PNN: variants seen among roughly 807,000 people sequenced by gnomAD.
PNN encodes pinin.
In PNN, 38 loss-of-function variants were observed where a neutral mutation model predicts 76.6. The ratio of observed to expected loss-of-function variants is 0.50; its 90% CI spans 0.38 to 0.65. The LOEUF (loss-of-function observed/expected upper bound fraction) is 0.65, where lower values mean the gene tolerates loss of function less well. Among genes scored for constraint, PNN ranks in the 30% least tolerant of loss-of-function variants. The probability of loss-of-function intolerance (pLI) is 0.00; values close to 1 mark genes in which losing one functional copy is unlikely to be tolerated. For synonymous variants in PNN, 366 were observed against 283.7 expected (o/e 1.29, Z -2.91); for missense variants, 873 against 874.1 (o/e 1.00, Z 0.02).
chr14:39,177,226 G>C (rs1318895524), intron 3 of PNN, among the ~76,000 whole-genome samples, 186 bp from the exon 4 acceptor site: 1 of 152,086 alleles, frequency 6.6e-6, no homozygotes, highest in Non-Finnish European at 1.5e-5. Flanking sequence ...CCTACAAAAA[G>C]TACAAAAAAG....
At position 39,181,519 on chromosome 14, in the gene PNN, C is replaced by T. The variant is rs745866410; in HGVS notation, c.1810C>T (p.Arg604Cys). ...TTCCAGCAGTGGAAGTAGTAGCAGT[C>T]GCAGTAGTTCCAGTAGCAGCTCCAG... ...SSSSSGSSSS[R>C]SSSSSSSSTS... The change falls in exon 9 of 9, where the codon CGC becomes TGC. Residue 604 changes from arginine (R) to cysteine (C), a missense_variant. Transcript: ENST00000216832. The T allele has an allele frequency of 3.6e-5, 58 of 1,600,100 alleles. No individual in the cohort carries two copies. The highest frequency in any genetic ancestry group is 1.1e-4 in the East Asian group (5 of 43,788).
Position 39,180,960 on chromosome 14 carries a change from A to G in PNN, c.1251A>G (p.Ser417=). The stretch of plus-strand genomic sequence containing the variant: ...ATCGAGTTGAAAGTGTAGAACCTTC[A>G]GAAAATGAAGCTAGCAAAGAATTGG... The part of the protein sequence containing the change: ...ETNRVESVEP[S]ENEASKELEP... Residue 417 remains serine (S), a synonymous_variant, in exon 9 of 9, where the codon TCA becomes TCG. Coordinates refer to ENST00000216832, the MANE Select transcript of PNN (RefSeq NM_002687.4). The G allele has an allele frequency of 1.2e-6, 2 of 1,613,956 alleles. No homozygotes were observed. Among genetic ancestry groups the G allele is most frequent in the Non-Finnish European group, 1.7e-6 (2 of 1,179,938 alleles).
chr14:39,177,997 A>C, intron 6 of PNN, 81 bp downstream of exon 6: 1 of 917,024 alleles, frequency 1.1e-6, no homozygotes, highest in Non-Finnish European at 1.8e-6. Context: ...AAAATCCTTA[A>C]AGCTCTTTTA....
chr14:39,179,523 C>T (rs1250711178), intron 8 of PNN, 61 bp downstream of exon 8: 2 of 1,332,054 alleles, frequency 1.5e-6, no homozygotes, highest in African/African-American at 3.0e-5. Context: ...TGTTCATATG[C>T]ACACGTTTGT....
chr14:39,176,162 T>C lies in PNN; in HGVS notation c.185+13T>C. ...GTTTATTACTGAGGTAAGATTTCCT[T>C]TGGACTTTACTCATGCTGAAACTAC... On this transcript the variant is annotated intron_variant, in intron 2 of 8. Coordinates refer to ENST00000216832, the MANE Select transcript of PNN (RefSeq NM_002687.4). 1 of 1,503,544 alleles carries C rather than the reference T, an allele frequency of 6.7e-7. No homozygotes were observed. Among genetic ancestry groups the C allele is most frequent in the Non-Finnish European group, 9.3e-7 (1 of 1,079,580 alleles). 93.1% of individuals were successfully genotyped at this position (1,503,544 alleles called of 1,614,324 possible).
chr14:39,177,970 A>G (rs574483083), intron 6 of PNN, 54 bp downstream of exon 6: 10 of 1,102,808 alleles, frequency 9.1e-6, no homozygotes, highest in Admixed American at 4.0e-5. Context: ...AAAGTAGTAG[A>G]TTAATGTTTT....
At position 39,181,792 on chromosome 14, in the gene PNN, A is replaced by G; in HGVS notation, c.2083A>G (p.Ser695Gly). The change falls in exon 9 of 9, where the codon AGT (serine) becomes GGT (glycine). Residue 695 changes from serine (S) to glycine (G), a missense_variant. Physicochemically the swap from Ser to Gly is moderately conservative, Grantham distance 56. This residue lies in a region of PNN where 712 missense variants were observed against 693.1 expected (regional missense o/e 1.03). Coordinates refer to ENST00000216832, the MANE Select transcript of PNN (RefSeq NM_002687.4). ...SDRKRSISES[S>G]RSGKRSSRSE... ...CAGAAAGAGGTCTATATCAGAGAGT[A>G]GTCGATCAGGCAAAAGATCTTCAAG... The G allele has an allele frequency of 6.2e-7, 1 of 1,613,480 alleles. No individual in the cohort carries two copies. Among genetic ancestry groups the G allele is most frequent in the Non-Finnish European group, 8.5e-7 (1 of 1,179,796 alleles).
intron 1 of PNN, 25 bp downstream of exon 1, chr14:39,175,417 A>C: frequency 7.0e-7 from 1 of 1,429,538 alleles, no homozygotes; most frequent in Non-Finnish European, 9.8e-7. Flanking sequence ...GGAACTCGGA[A>C]CTCGGAGCTC....
chr14:39,178,993 T>C, intron 6 of PNN, 98 bp from the exon 7 acceptor site: 1 of 1,096,838 alleles, frequency 9.1e-7, no homozygotes, highest in East Asian at 2.4e-5. Flanking sequence ...AATTAGTATG[T>C]GTAATAACTT....
chr14:39,178,932 T>C lies in PNN; in HGVS notation c.499-159T>C, dbSNP rs985123964. On this transcript the variant is annotated intron_variant, in intron 6 of 8. Transcript: ENST00000216832. ...TTTTTTGTGTTTTTAGTAGAGATGG[T>C]GGTGTTGGCTTCTGACTTCAGATGA... 5 of 622,652 alleles carry C rather than the reference T, an allele frequency of 8.0e-6. No individual in the cohort carries two copies. The African/African-American group carries it at 9.3e-5, about 12-fold the overall frequency. 38.6% of individuals were successfully genotyped at this position (622,652 alleles called of 1,614,324 possible).
At chr14:39,177,355 C>T in intron 3 of PNN, 57 bp from the exon 4 acceptor site, 1 of 1,437,518 alleles carries the variant, frequency 7.0e-7, no homozygotes, top group Non-Finnish European at 9.7e-7. Flanking sequence ...CACTGCACTT[C>T]AGCCTGGGTG....
chr14:39,177,385 CA>C, intron 3 of PNN, 26 bp from the exon 4 acceptor site: 3 of 1,590,908 alleles, frequency 1.9e-6, no homozygotes, highest in Non-Finnish European at 1.7e-6. Flanking sequence ...AACCCTGTCT[CA>C]AAAAAATTAA....
rs751015703 is a variant in PNN at position 39,181,105 on chromosome 14, TCTGAGCCCCAACCTGAGC to T, written c.1400_1417del (p.Glu467_Pro472del). 8 of 1,613,658 alleles carry T rather than the reference TCTGAGCCCCAACCTGAGC, an allele frequency of 5.0e-6. No homozygotes were observed. In the South Asian group the frequency reaches 8.8e-5, roughly 18 times the overall value. On this transcript the variant is annotated inframe_deletion, in exon 9 of 9. Coordinates refer to ENST00000216832, the MANE Select transcript of PNN (RefSeq NM_002687.4). Reference sequence around the variant, plus strand: ...GTCTGAGGAAAAAGAAGAAAAAGAATCTGAGCCCCAACCTGAGCCTGTGGCTCAACCTCAGCCTCAGTC... The same window carrying T: ...GTCTGAGGAAAAAGAAGAAAAAGAATCTGTGGCTCAACCTCAGCCTCAGTC...
At chr14:39,179,495 A>G (rs1288016627) in intron 8 of PNN, 33 bp downstream of exon 8, 13 of 1,578,718 alleles carry the variant, frequency 8.2e-6, no homozygotes, top group African/African-American at 5.5e-5. Context: ...TGAATTGTTC[A>G]TAGTGGGTAA....
Position 39,182,022 on chromosome 14 carries a change from A to G in PNN, c.*159A>G. On this transcript the variant is annotated 3_prime_UTR_variant, in exon 9 of 9. Coordinates refer to ENST00000216832, the MANE Select transcript of PNN (RefSeq NM_002687.4). The stretch of plus-strand genomic sequence containing the variant: ...CTGTTTGTTTACCAGACATTCTTGT[A>G]CTTTTTGCATAATTTTGTAAGAGTT... 1 of 630,932 alleles carries G rather than the reference A, an allele frequency of 1.6e-6. No individual in the cohort carries two copies. Among genetic ancestry groups the G allele is most frequent in the South Asian group, 3.0e-5 (1 of 33,024 alleles). 39.1% of individuals were successfully genotyped at this position (630,932 alleles called of 1,614,324 possible). A position where few individuals can be genotyped will look rare whatever the true frequency, so the allele number is the denominator to read the frequency against.
At chr14:39,175,454 A>G (rs1188967794) in intron 1 of PNN, 62 bp downstream of exon 1, 1 of 1,034,990 alleles carries the variant, frequency 9.7e-7, no homozygotes, top group African/African-American at 1.6e-5. Context: ...GGTCGGGGTG[A>G]ATTGGGGGCG....
chr14:39,181,609 C>T lies in PNN; in HGVS notation c.1900C>T (p.Arg634Trp), dbSNP rs2053270656. The change falls in exon 9 of 9, where the codon CGG becomes TGG. Residue 634 changes from arginine (R) to tryptophan (W), a missense_variant. Arg to Trp is a moderately radical substitution (Grantham distance 101, BLOSUM62 -3). This residue lies in a region of PNN where 712 missense variants were observed against 693.1 expected (regional missense o/e 1.03). Coordinates refer to ENST00000216832, the MANE Select transcript of PNN (RefSeq NM_002687.4). ...STSSSSESRS[R>W]SRGRGHNRDR... ...TAGTAGTAGTAGTGAGAGTAGAAGT[C>T]GGAGTAGGGGCCGGGGACATAATAG... The T allele has an allele frequency of 1.9e-6, 3 of 1,613,828 alleles. No individual in the cohort carries two copies. The highest frequency in any genetic ancestry group is 2.5e-6 in the Non-Finnish European group (3 of 1,179,958).
At position 39,179,154 on chromosome 14, in the gene PNN, G is replaced by A. The variant is rs866348874; in HGVS notation, c.562G>A (p.Val188Ile). 5.6e-6 allele frequency: 9 copies of A among 1,614,030 alleles called. No individual in the cohort carries two copies. Among genetic ancestry groups the A allele is most frequent in the Non-Finnish European group, 7.6e-6 (9 of 1,179,996 alleles). The change falls in exon 7 of 9, where the codon GTT (valine) becomes ATT (isoleucine). Residue 188 changes from valine to isoleucine, a missense_variant. Physicochemically the swap from Val to Ile is conservative, Grantham distance 29. This residue lies in a region of PNN where 712 missense variants were observed against 693.1 expected (regional missense o/e 1.03). Coordinates refer to ENST00000216832, the MANE Select transcript of PNN (RefSeq NM_002687.4). ...TCAGGCAGAAGAAGAGAGAAAGCAG[G>A]TTGAAAATGAAAGGAGAGAACTGTT... ...EVQAEEERKQ[V>I]ENERRELFEE...
In PNN at chr14:39,176,565, A is replaced by G; in HGVS notation, c.224A>G (p.Lys75Arg). Residue 75 changes from lysine (K) to arginine (R), a missense_variant, in exon 3 of 9, where the codon AAA (lysine) becomes AGA (arginine). Physicochemically the swap from Lys to Arg is conservative, Grantham distance 26. Transcript: ENST00000216832. The part of the protein sequence containing the change: ...FSDSGGGPPA[K>R]QRDLEGAVSR... ...GATAGTGGAGGAGGACCCCCAGCCA[A>G]ACAGAGAGACCTTGAAGGGGCAGTC... is the stretch of plus-strand genomic sequence containing the variant. The G allele has an allele frequency of 6.2e-7, 1 of 1,608,872 alleles. No individual in the cohort carries two copies. Among genetic ancestry groups the G allele is most frequent in the Non-Finnish European group, 8.5e-7 (1 of 1,178,484 alleles).
Sources: gnomAD v4.1 joint callset for allele counts (sites outside exome capture counted in the v4.1 genomes callset) on GRCh38, gnomAD v4.1.1 for gene constraint, gnomAD v4.1.1 regional missense constraint, MANE v1.5 for transcripts, NCBI Gene and HGNC (gene_info 2026-07-23, HGNC 2026-07-21) for gene names.